The following RETREG1 variants were observed in gnomAD, a reference collection of about 807,000 sequenced individuals.
RETREG1 encodes the protein family with sequence similarity 134 member B.
Under a neutral mutation model 54.8 loss-of-function variants are expected in RETREG1, and 44 were observed. That is an observed-to-expected ratio of 0.80 (90% confidence interval 0.63 to 1.03). The LOEUF (loss-of-function observed/expected upper bound fraction) is 1.03, where lower values mean the gene tolerates loss of function less well. Among genes scored for constraint, RETREG1 ranks in the 50% least tolerant of loss-of-function variants. The pLI is 0.00. For synonymous variants in RETREG1, 217 were observed against 238.5 expected (o/e 0.91, Z 0.83); for missense variants, 554 against 605.1 (o/e 0.92, Z 0.89).
At chr5:16,559,825 C>T (rs964170752) in intron 3 of RETREG1, among the ~76,000 whole-genome samples, 10 of 152,318 alleles carry the variant, frequency 6.6e-5, no homozygotes, top group Admixed American at 2.0e-4. Flanking sequence ...TCAAATGCTA[C>T]AGTTTCATGC....
At position 16,593,119 on chromosome 5, in the gene RETREG1, G is replaced by A. The variant is rs1344872849; in HGVS notation, c.321-21017C>T. ...TAAAGCTCGGCAAAGGCACAACAGT[G>A]AACCCCTGACTCACCATCCCATGCC... is the stretch of plus-strand genomic sequence containing the variant. On this transcript the variant is annotated intron_variant, in intron 1 of 8. Coordinates refer to ENST00000306320, the MANE Select transcript of RETREG1 (RefSeq NM_001034850.3). This position sits in a 1 kb window ranked among gnomAD's most constrained non-coding sequence, Gnocchi z 4.9. Among the ~76,000 whole-genome samples, 1 of 152,154 alleles carries A rather than the reference G, an allele frequency of 6.6e-6. No homozygotes were observed. Among genetic ancestry groups the A allele is most frequent in the Non-Finnish European group, 1.5e-5 (1 of 68,032 alleles).
Position 16,519,786 on chromosome 5 carries a change from C to T in RETREG1, c.459-36314G>A, listed in dbSNP as rs555209544. On this transcript the variant is annotated intron_variant, in intron 3 of 8. Coordinates refer to ENST00000306320, the MANE Select transcript of RETREG1 (RefSeq NM_001034850.3). ...TATAACTATTAACAGGCCCCCTCTC[C>T]GTGCCTGGATAGGCCACAAATTGTA... Among the ~76,000 whole-genome samples, 10 of 152,328 alleles carry T rather than the reference C, an allele frequency of 6.6e-5. No homozygotes were observed. The South Asian group carries it at 2.1e-3, about 32-fold the overall frequency.
intron 3 of RETREG1, among the ~76,000 whole-genome samples, chr5:16,522,682 A>C (rs147784959): frequency 1.3e-5 from 2 of 152,204 alleles, no homozygotes; most frequent in African/African-American, 4.8e-5. Context: ...GACATACACA[A>C]ACTTGTTTTA....
intron 3 of RETREG1, among the ~76,000 whole-genome samples, chr5:16,559,358 G>C (rs895218162): frequency 3.9e-5 from 6 of 152,184 alleles, no homozygotes; most frequent in Non-Finnish European, 7.3e-5. Context: ...GACTGACTCT[G>C]TTGAATCTGT....
chr5:16,534,853 T>C (rs571714922), intron 3 of RETREG1, among the ~76,000 whole-genome samples: 9 of 152,346 alleles, frequency 5.9e-5, no homozygotes, highest in African/African-American at 2.2e-4. Context: ...CTGTAAATAA[T>C]GATCTCTTTA....
chr5:16,615,260 C>T (rs1360885840), intron 1 of RETREG1, among the ~76,000 whole-genome samples: 7 of 151,466 alleles, frequency 4.6e-5, no homozygotes, highest in Admixed American at 3.3e-4. Flanking sequence ...ACTGGCCAGG[C>T]GTGGTGGCGG....
chr5:16,504,565 G>T (rs1203217741), intron 3 of RETREG1, among the ~76,000 whole-genome samples: 1 of 152,050 alleles, frequency 6.6e-6, no homozygotes, highest in Non-Finnish European at 1.5e-5. Context: ...TTCTCCTTGG[G>T]TGTCAACCCT....
chr5:16,552,723 C>G (rs1344618540), intron 3 of RETREG1, among the ~76,000 whole-genome samples: 2 of 152,160 alleles, frequency 1.3e-5, no homozygotes, highest in Non-Finnish European at 2.9e-5. Flanking sequence ...TATGAGTATC[C>G]ATGCACACCT....
intron 3 of RETREG1, among the ~76,000 whole-genome samples, chr5:16,549,745 A>C (rs1741481281): frequency 6.6e-6 from 1 of 152,238 alleles, no homozygotes. Flanking sequence ...CAGCTTAATA[A>C]GCTATGGAAT....
chr5:16,542,532 A>G (rs1245128987), intron 3 of RETREG1, among the ~76,000 whole-genome samples: 1 of 152,232 alleles, frequency 6.6e-6, no homozygotes, highest in Non-Finnish European at 1.5e-5. Context: ...TTTTTATGAC[A>G]TACAAACAAC....
At chr5:16,489,045 T>C (rs1175101995) in intron 3 of RETREG1, among the ~76,000 whole-genome samples, 1 of 119,082 alleles carries the variant, frequency 8.4e-6, no homozygotes, top group Non-Finnish European at 1.6e-5. Context: ...ATAGCGCCAC[T>C]GCACTCCAGC....
At chr5:16,554,275 A>C (rs1741627519) in intron 3 of RETREG1, among the ~76,000 whole-genome samples, 1 of 152,154 alleles carries the variant, frequency 6.6e-6, no homozygotes, top group Admixed American at 6.5e-5. Flanking sequence ...CTCTCCGTTG[A>C]GCCTCGCTTG....
At chr5:16,563,844 T>C (rs1741937336) in intron 3 of RETREG1, among the ~76,000 whole-genome samples, 1 of 152,232 alleles carries the variant, frequency 6.6e-6, no homozygotes, top group South Asian at 2.1e-4. Context: ...CTTGTTGGGT[T>C]AATTAAGATA....
intron 3 of RETREG1, among the ~76,000 whole-genome samples, chr5:16,485,492 T>G (rs1343473636): frequency 6.6e-6 from 1 of 152,202 alleles, no homozygotes; most frequent in Non-Finnish European, 1.5e-5. Context: ...TTTGAATGAA[T>G]AGTACTTTGT....
At chr5:16,590,294 C>T (rs17707133) in intron 1 of RETREG1, among the ~76,000 whole-genome samples, 7,607 of 152,164 alleles carry the variant, frequency 0.05, 192 homozygotes, top group Non-Finnish European at 0.053. Flanking sequence ...CCTTGACACA[C>T]GACAGCAGCG....
intron 1 of RETREG1, among the ~76,000 whole-genome samples, chr5:16,574,957 C>G (rs762883627): frequency 3.9e-5 from 6 of 152,150 alleles, no homozygotes; most frequent in Non-Finnish European, 7.3e-5. Context: ...ATTTTTGTAG[C>G]TCTTGTTTGT....
At position 16,474,363 on chromosome 5, in the gene RETREG1, A is replaced by C. The variant is rs1738429130; in HGVS notation, c.*378T>G. ...TCACAATTAATTGTTAATATTTTTC[A>C]GTAAGTTACAATAAACTGTTTTGCA... is the stretch of plus-strand genomic sequence containing the variant. On this transcript the variant is annotated 3_prime_UTR_variant, in exon 9 of 9. Coordinates refer to ENST00000306320, the MANE Select transcript of RETREG1 (RefSeq NM_001034850.3). The C allele has an allele frequency of 5.5e-6, 1 of 180,754 alleles. No individual in the cohort carries two copies. The highest frequency in any genetic ancestry group is 2.4e-5 in the African/African-American group (1 of 41,782). The allele number at this position is 180,754 out of a possible 1,614,324, so 11.2% of individuals were successfully genotyped here.
At chr5:16,497,815 A>G (rs536637657) in intron 3 of RETREG1, among the ~76,000 whole-genome samples, 1 of 152,242 alleles carries the variant, frequency 6.6e-6, no homozygotes, top group South Asian at 2.1e-4. Context: ...CACCATTTGC[A>G]GTTTATAGGA....
intron 1 of RETREG1, among the ~76,000 whole-genome samples, chr5:16,598,697 A>G (rs1382537659): frequency 6.6e-6 from 1 of 152,194 alleles, no homozygotes; most frequent in Non-Finnish European, 1.5e-5. Context: ...CTCTCCCAAG[A>G]GATTTTAAAC....
Sources: allele counts gnomAD v4.1 joint callset (sites outside exome capture counted in the v4.1 genomes callset), GRCh38; gene constraint gnomAD v4.1.1; non-coding constraint Gnocchi (gnomAD v3.1); transcripts MANE v1.5; gene names NCBI Gene and HGNC (gene_info 2026-07-23, HGNC 2026-07-21).